Variants in KCNQ1OT1 observed in about 807,000 individuals in gnomAD.
KCNQ1OT1 encodes KCNQ1 antisense RNA 2 (non-protein coding).
chr11:2,655,734 C>T (rs887322516), exon 1 of KCNQ1OT1: 1 of 392,792 alleles, frequency 2.5e-6, no homozygotes, highest in African/African-American at 2.1e-5. Flanking sequence ...TGGCTACGAC[C>T]ACAGGTGAAA....
Position 2,669,460 on chromosome 11 carries a change from C to T in KCNQ1OT1, n.30535G>A. The stretch of plus-strand genomic sequence containing the variant: ...ATCTTTTACCTTGCCCTGTAGTTTT[C>T]AGTGTGGTGGTCATGAACAGCTTGT... On this transcript the variant is annotated non_coding_transcript_exon_variant, in exon 1 of 1. Coordinates refer to ENST00000597346, the Ensembl canonical transcript of KCNQ1OT1. This position sits in a 1 kb window ranked among gnomAD's most constrained non-coding sequence, Gnocchi z 5.6. 1 of 398,594 alleles carries T rather than the reference C, an allele frequency of 2.5e-6. No individual in the cohort carries two copies. Among genetic ancestry groups the T allele is most frequent in the Non-Finnish European group, 4.4e-6 (1 of 226,078 alleles). 24.7% of individuals were successfully genotyped at this position (398,594 alleles called of 1,614,324 possible). A position where few individuals can be genotyped will look rare whatever the true frequency, so the allele number is the denominator to read the frequency against.
At position 2,608,846 on chromosome 11, in the gene KCNQ1OT1, G is replaced by A. The variant is rs1387755147; in HGVS notation, n.91149C>T. ...TTCATTTCTGATTTTAGTAATTTGA[G>A]TTTTCTCTCTCCCCCTTTGCCTCAT... On this transcript the variant is annotated non_coding_transcript_exon_variant, in exon 1 of 1. Coordinates refer to ENST00000597346, the Ensembl canonical transcript of KCNQ1OT1. The surrounding 1 kb of genome is among the most constrained non-coding windows in gnomAD (Gnocchi z 4.6). 27 of 398,182 alleles carry A rather than the reference G, an allele frequency of 6.8e-5. No homozygotes were observed. The highest frequency in any genetic ancestry group is 1.1e-4 in the Non-Finnish European group (25 of 225,964). The allele number at this position is 398,182 out of a possible 1,614,324, so 24.7% of individuals were successfully genotyped here.
chr11:2,648,975 CTTTTTCTTTTTTT>C lies in KCNQ1OT1; in HGVS notation n.51007_51019del, dbSNP rs1849710408. 3 of 336,654 alleles carry C rather than the reference CTTTTTCTTTTTTT, an allele frequency of 8.9e-6. No individual in the cohort carries two copies. In the African/African-American group the frequency reaches 9.5e-5, roughly 11 times the overall value. 20.9% of individuals were successfully genotyped at this position (336,654 alleles called of 1,614,324 possible). On this transcript the variant is annotated non_coding_transcript_exon_variant, in exon 1 of 1. Coordinates refer to ENST00000597346, the Ensembl canonical transcript of KCNQ1OT1. ...TAATGACCTCCTTTGTCTCTTTTTT[CTTTTTCTTTTTTT>C]TTTTTTTTTTTTTTTTGACTCAGTA...
chr11:2,615,128 T>G, exon 1 of KCNQ1OT1: 1 of 398,330 alleles, frequency 2.5e-6, no homozygotes, highest in Non-Finnish European at 4.4e-6. Flanking sequence ...TTTAATTTAT[T>G]CCTAGCTATT....
rs192844083 is a variant in KCNQ1OT1 at position 2,664,964 on chromosome 11, G to A, written n.35031C>T. The A allele has an allele frequency of 2.0e-5, 8 of 398,598 alleles. No individual in the cohort carries two copies. The highest frequency in any genetic ancestry group is 6.3e-4 in the Middle Eastern group (1 of 1,590). The allele number at this position is 398,598 out of a possible 1,614,324, so 24.7% of individuals were successfully genotyped here. ...GTGAGGTCACTATAGCCTTGATTAC[G>A]GGAAGGTCCCTGGGGCTGGGCGAAG... On this transcript the variant is annotated non_coding_transcript_exon_variant, in exon 1 of 1. Transcript: ENST00000597346. The surrounding 1 kb of genome is among the most constrained non-coding windows in gnomAD (Gnocchi z 5.1).
At position 2,669,774 on chromosome 11, in the gene KCNQ1OT1, A is replaced by T; in HGVS notation, n.30221T>A. On this transcript the variant is annotated non_coding_transcript_exon_variant, in exon 1 of 1. Coordinates refer to ENST00000597346, the Ensembl canonical transcript of KCNQ1OT1. The surrounding 1 kb of genome is among the most constrained non-coding windows in gnomAD (Gnocchi z 5.6). ...ATAGAATGTCTCTTTGTGATGGGAG[A>T]TCCTGTGGGGACATTCCTTATTTGG... The T allele has an allele frequency of 2.5e-6, 1 of 398,490 alleles. No homozygotes were observed. The highest frequency in any genetic ancestry group is 6.2e-4 in the Middle Eastern group (1 of 1,610). 24.7% of individuals were successfully genotyped at this position (398,490 alleles called of 1,614,324 possible).
Position 2,661,920 on chromosome 11 carries a change from G to A in KCNQ1OT1, n.38075C>T, listed in dbSNP as rs74046836. On this transcript the variant is annotated non_coding_transcript_exon_variant, in exon 1 of 1. Coordinates refer to ENST00000597346, the Ensembl canonical transcript of KCNQ1OT1. The surrounding 1 kb of genome is among the most constrained non-coding windows in gnomAD (Gnocchi z 5.9). ...CTGGCTCCACAGCACTGGCAGGTTG[G>A]GTGGGAGGCCTAACGTGCTGTCCCC... The A allele has an allele frequency of 3.1e-6, 5 of 1,613,854 alleles. No homozygotes were observed. In the South Asian group the frequency reaches 3.3e-5, roughly 11 times the overall value.
At position 2,651,371 on chromosome 11, in the gene KCNQ1OT1, T is replaced by A. The variant is rs1458095012; in HGVS notation, n.48624A>T. ...AGCTGGGGTATTTATCTTTCACTAG[T>A]GAGTGCTGCCCCGGTGGTGGCTCAC... On this transcript the variant is annotated non_coding_transcript_exon_variant, in exon 1 of 1. Transcript: ENST00000597346. This position sits in a 1 kb window ranked among gnomAD's most constrained non-coding sequence, Gnocchi z 6.1. The A allele has an allele frequency of 1.0e-5, 4 of 398,648 alleles. No individual in the cohort carries two copies. The highest frequency in any genetic ancestry group is 1.8e-5 in the Non-Finnish European group (4 of 226,162). 24.7% of individuals were successfully genotyped at this position (398,648 alleles called of 1,614,324 possible). A position where few individuals can be genotyped will look rare whatever the true frequency, so the allele number is the denominator to read the frequency against.
rs942334302 is a variant in KCNQ1OT1 at position 2,677,555 on chromosome 11, T to C, written n.22440A>G. 3 of 398,624 alleles carry C rather than the reference T, an allele frequency of 7.5e-6. No homozygotes were observed. Among genetic ancestry groups the C allele is most frequent in the Middle Eastern group, 1.3e-3 (2 of 1,588 alleles). The allele number at this position is 398,624 out of a possible 1,614,324, so 24.7% of individuals were successfully genotyped here. On this transcript the variant is annotated non_coding_transcript_exon_variant, in exon 1 of 1. Coordinates refer to ENST00000597346, the Ensembl canonical transcript of KCNQ1OT1. This position sits in a 1 kb window ranked among gnomAD's most constrained non-coding sequence, Gnocchi z 4.5. ...GCCAAGTATAAAAGATGCCCTCAGA[T>C]GTTACCATATAATGCTTTACAAAAG...
In KCNQ1OT1 at chr11:2,610,716, C is replaced by CTTTTTTTTTTT. The variant is rs1167505141; in HGVS notation, n.89268_89278dup. ...TTCTGGACACAGTATTCTTGGTTGG[C>CTTTTTTTTTTT]TTTTTTTTTTTTTTTTTTTTTTTTT... On this transcript the variant is annotated non_coding_transcript_exon_variant, in exon 1 of 1. Transcript: ENST00000597346. 6.7e-4 allele frequency: 154 copies of CTTTTTTTTTTT among 230,004 alleles called. 3 individuals carry two copies. The highest frequency in any genetic ancestry group is 4.5e-3 in the Admixed American group (43 of 9,498). The allele number at this position is 230,004 out of a possible 1,614,324, so 14.2% of individuals were successfully genotyped here. A position where few individuals can be genotyped will look rare whatever the true frequency, so the allele number is the denominator to read the frequency against.
Position 2,661,099 on chromosome 11 carries a change from C to A in KCNQ1OT1, n.38896G>T. The A allele has an allele frequency of 2.5e-6, 1 of 398,450 alleles. No individual in the cohort carries two copies. The highest frequency in any genetic ancestry group is 4.4e-6 in the Non-Finnish European group (1 of 226,054). The allele number at this position is 398,450 out of a possible 1,614,324, so 24.7% of individuals were successfully genotyped here. On this transcript the variant is annotated non_coding_transcript_exon_variant, in exon 1 of 1. Transcript: ENST00000597346. This position sits in a 1 kb window ranked among gnomAD's most constrained non-coding sequence, Gnocchi z 5.9. Reference sequence around the variant, plus strand: ...ACATCCCATGTGCATAAAAGCAACTCCCACCTGGCATCTGCTGCTCGGATG... The same window carrying A: ...ACATCCCATGTGCATAAAAGCAACTACCACCTGGCATCTGCTGCTCGGATG...
exon 1 of KCNQ1OT1, chr11:2,680,049 A>G: frequency 2.5e-6 from 1 of 395,842 alleles, no homozygotes; most frequent in Non-Finnish European, 4.4e-6. Context: ...ATCTGCCACC[A>G]TGACTGGCTA....
chr11:2,646,977 T>C (rs1212165278), exon 1 of KCNQ1OT1: 3 of 398,516 alleles, frequency 7.5e-6, no homozygotes, highest in African/African-American at 2.1e-5. Flanking sequence ...GATACCCTTT[T>C]TCTTTTACTT....
rs992810748 is a variant in KCNQ1OT1, at chr11:2,613,970, C to T, written n.86025G>A. 6 of 398,498 alleles carry T rather than the reference C, an allele frequency of 1.5e-5. No individual in the cohort carries two copies. Among genetic ancestry groups the T allele is most frequent in the Admixed American group, 8.8e-5 (2 of 22,714 alleles). 24.7% of individuals were successfully genotyped at this position (398,498 alleles called of 1,614,324 possible). On this transcript the variant is annotated non_coding_transcript_exon_variant, in exon 1 of 1. Transcript: ENST00000597346. The surrounding 1 kb of genome is among the most constrained non-coding windows in gnomAD (Gnocchi z 4.8). Reference sequence around the variant, plus strand: ...ACCTAACAACATCTCCTAGAAATCACTCAACATCCATTCACAGAGATCTTT... The same window carrying T: ...ACCTAACAACATCTCCTAGAAATCATTCAACATCCATTCACAGAGATCTTT...
Position 2,682,539 on chromosome 11 carries a change from C to A in KCNQ1OT1, n.17456G>T. ...GCCCAGGTCAAACCAGGTGCTAGGA[C>A]CCTGGCAGGGGTTCCATAAGGCTAT... On this transcript the variant is annotated non_coding_transcript_exon_variant, in exon 1 of 1. Transcript: ENST00000597346. This position sits in a 1 kb window ranked among gnomAD's most constrained non-coding sequence, Gnocchi z 5.8. 2.5e-6 allele frequency: 1 copy of A among 398,282 alleles called. No individual in the cohort carries two copies. Among genetic ancestry groups the A allele is most frequent in the Non-Finnish European group, 4.4e-6 (1 of 226,042 alleles). The allele number at this position is 398,282 out of a possible 1,614,324, so 24.7% of individuals were successfully genotyped here. A position where few individuals can be genotyped will look rare whatever the true frequency, so the allele number is the denominator to read the frequency against.
At chr11:2,665,012 G>A (rs1441590952) in exon 1 of KCNQ1OT1, 1 of 398,556 alleles carries the variant, frequency 2.5e-6, no homozygotes, top group Non-Finnish European at 4.4e-6. Context: ...GGGCCTGTTA[G>A]CCAGAGGTGG....
In KCNQ1OT1 at chr11:2,629,544, C is replaced by T. The variant is rs777989828; in HGVS notation, n.70451G>A. The T allele has an allele frequency of 3.5e-5, 14 of 398,250 alleles. No homozygotes were observed. The highest frequency in any genetic ancestry group is 1.0e-4 in the African/African-American group (5 of 48,594). The allele number at this position is 398,250 out of a possible 1,614,324, so 24.7% of individuals were successfully genotyped here. A position where few individuals can be genotyped will look rare whatever the true frequency, so the allele number is the denominator to read the frequency against. ...TAAAGGTCTCGACTTCATTCTCTCACGTGAGGATATCCAGTTTTCCTGGCA... is the reference window on the plus strand; with the variant it reads ...TAAAGGTCTCGACTTCATTCTCTCATGTGAGGATATCCAGTTTTCCTGGCA... On this transcript the variant is annotated non_coding_transcript_exon_variant, in exon 1 of 1. Transcript: ENST00000597346.
chr11:2,675,087 T>C, exon 1 of KCNQ1OT1: 2 of 398,674 alleles, frequency 5.0e-6, no homozygotes, highest in Non-Finnish European at 8.8e-6. Context: ...AGTGTGGGCA[T>C]GTCCTGAGTG....
In KCNQ1OT1 at chr11:2,679,558, G is replaced by A. The variant is rs200060829; in HGVS notation, n.20437C>T. The stretch of plus-strand genomic sequence containing the variant: ...TGGCCATTCCATCCATTGTAATCAT[G>A]TGTACCATGCAATTCACAGTGCCTG... On this transcript the variant is annotated non_coding_transcript_exon_variant, in exon 1 of 1. Coordinates refer to ENST00000597346, the Ensembl canonical transcript of KCNQ1OT1. The surrounding 1 kb of genome is among the most constrained non-coding windows in gnomAD (Gnocchi z 4.8). 2.5e-5 allele frequency: 10 copies of A among 398,604 alleles called. No homozygotes were observed. The highest frequency in any genetic ancestry group is 6.2e-5 in the African/African-American group (3 of 48,726). 24.7% of individuals were successfully genotyped at this position (398,604 alleles called of 1,614,324 possible). A position where few individuals can be genotyped will look rare whatever the true frequency, so the allele number is the denominator to read the frequency against.
Sources: allele counts gnomAD v4.1 joint callset, GRCh38; gene constraint gnomAD v4.1.1; non-coding constraint Gnocchi (gnomAD v3.1); transcripts MANE v1.5; gene names NCBI Gene and HGNC (gene_info 2026-07-23, HGNC 2026-07-21).